Variants in HEMK2 observed in about 807,000 individuals in gnomAD.
HEMK2 encodes methyltransferase HEMK2.
the HEMK2 span, among the ~76,000 whole-genome samples, chr21:28,695,478 G>A: frequency 6.6e-6 from 1 of 152,112 alleles, no homozygotes; most frequent in Non-Finnish European, 1.5e-5. Flanking sequence ...TCACAATCAT[G>A]GTGGAAGGTG....
the HEMK2 span, among the ~76,000 whole-genome samples, chr21:28,795,924 G>C: frequency 1.3e-5 from 2 of 152,154 alleles, no homozygotes; most frequent in Non-Finnish European, 2.9e-5. Context: ...TCAGCAGTTT[G>C]ACTGTTTAAA....
At chr21:28,811,079 T>A in the HEMK2 span, among the ~76,000 whole-genome samples, 2 of 151,998 alleles carry the variant, frequency 1.3e-5, no homozygotes, top group Non-Finnish European at 2.9e-5. Flanking sequence ...AAACCAACTA[T>A]GTACAGAAAA....
At chr21:28,701,381 A>G in the HEMK2 span, among the ~76,000 whole-genome samples, 5 of 152,158 alleles carry the variant, frequency 3.3e-5, no homozygotes, top group African/African-American at 4.8e-5. Flanking sequence ...ATGATTCTAT[A>G]TACCTAGAAA....
the HEMK2 span, among the ~76,000 whole-genome samples, chr21:28,853,359 T>A: frequency 6.6e-6 from 1 of 152,142 alleles, no homozygotes. Flanking sequence ...AAATGCAGAG[T>A]CCCTGTTTAG....
the HEMK2 span, among the ~76,000 whole-genome samples, chr21:28,868,579 G>C: frequency 2.0e-5 from 3 of 152,150 alleles, no homozygotes; most frequent in Non-Finnish European, 4.4e-5. Context: ...AGAAACTCAA[G>C]AGGCTGAGGT....
At chr21:28,696,265 G>T in the HEMK2 span, among the ~76,000 whole-genome samples, 7 of 152,168 alleles carry the variant, frequency 4.6e-5, no homozygotes, top group Non-Finnish European at 8.8e-5. Context: ...GATTTGGGCA[G>T]GGACACAGCC....
the HEMK2 span, among the ~76,000 whole-genome samples, chr21:28,646,000 T>C: frequency 6.6e-6 from 1 of 152,212 alleles, no homozygotes; most frequent in South Asian, 2.1e-4. Context: ...GGATTCGGAA[T>C]TTTTAAACAA....
At chr21:28,734,590 G>A in the HEMK2 span, among the ~76,000 whole-genome samples, 1 of 152,114 alleles carries the variant, frequency 6.6e-6, no homozygotes, top group Non-Finnish European at 1.5e-5. Flanking sequence ...GGTGCAGTGA[G>A]GAACTTTGAT....
the HEMK2 span, among the ~76,000 whole-genome samples, chr21:28,801,389 T>A: frequency 2.0e-5 from 3 of 152,248 alleles, no homozygotes; most frequent in Non-Finnish European, 4.4e-5. Context: ...AACATTCTTT[T>A]TTTAAAAGGG....
At chr21:28,690,421 T>G in the HEMK2 span, among the ~76,000 whole-genome samples, 1 of 152,228 alleles carries the variant, frequency 6.6e-6, no homozygotes, top group African/African-American at 2.4e-5. Context: ...AGCAATGTGA[T>G]TCTAGCCTTA....
At chr21:28,592,960 A>C in the HEMK2 span, among the ~76,000 whole-genome samples, 2 of 152,226 alleles carry the variant, frequency 1.3e-5, no homozygotes, top group Non-Finnish European at 2.9e-5. Context: ...ATTATCCACA[A>C]AGGTGGACAT....
chr21:28,831,710 G>A, the HEMK2 span, among the ~76,000 whole-genome samples: 27 of 98,038 alleles, frequency 2.8e-4, no homozygotes, highest in African/African-American at 1.0e-3. Context: ...AAGGAAGGAA[G>A]GAAGGAAGGA....
At chr21:28,816,084 C>G in the HEMK2 span, among the ~76,000 whole-genome samples, 1 of 152,174 alleles carries the variant, frequency 6.6e-6, no homozygotes, top group Admixed American at 6.5e-5. Context: ...CAAGAGATGG[C>G]ATCTGAAGAC....
the HEMK2 span, among the ~76,000 whole-genome samples, chr21:28,847,753 GT>G: frequency 3.3e-5 from 5 of 152,132 alleles, no homozygotes; most frequent in Non-Finnish European, 5.9e-5. Context: ...ATAGTTTTAG[GT>G]TTTACATTTA....
At chr21:28,724,798 T>A in the HEMK2 span, among the ~76,000 whole-genome samples, 1 of 152,202 alleles carries the variant, frequency 6.6e-6, no homozygotes, top group Admixed American at 6.5e-5. Flanking sequence ...TTTTTGTTTT[T>A]TGAGACAGGG....
chr21:28,659,659 G>C, the HEMK2 span, among the ~76,000 whole-genome samples: 43 of 152,002 alleles, frequency 2.8e-4, no homozygotes, highest in Non-Finnish European at 5.3e-4. Context: ...TCTAACAAAA[G>C]AGAAATAGGT....
the HEMK2 span, among the ~76,000 whole-genome samples, chr21:28,751,099 C>G: frequency 6.6e-6 from 1 of 151,584 alleles, no homozygotes; most frequent in Non-Finnish European, 1.5e-5. Flanking sequence ...GGCGTGGTGG[C>G]GAGCACCTGT....
the HEMK2 span, among the ~76,000 whole-genome samples, chr21:28,802,819 C>A: frequency 6.6e-6 from 1 of 152,132 alleles, no homozygotes; most frequent in Admixed American, 6.5e-5. Flanking sequence ...CAGGTGAATG[C>A]ATTATCTATT....
chr21:28,819,607 C>T, the HEMK2 span, among the ~76,000 whole-genome samples: 52 of 137,286 alleles, frequency 3.8e-4, 1 homozygote, highest in South Asian at 0.011. Flanking sequence ...TGTGCAGTGG[C>T]GCGATCTCGG....
Sources: gnomAD v4.1 joint callset for allele counts (sites outside exome capture counted in the v4.1 genomes callset) on GRCh38, gnomAD v4.1.1 for gene constraint, MANE v1.5 for transcripts, NCBI Gene and HGNC (gene_info 2026-07-23, HGNC 2026-07-21) for gene names.